The following VPS13B variants were observed in gnomAD, a reference collection of about 807,000 sequenced individuals.
VPS13B encodes intermembrane lipid transfer protein VPS13B.
VPS13B carries 285 observed loss-of-function variants against 426.4 expected under a neutral mutation model. That is an observed-to-expected ratio of 0.67 (90% confidence interval 0.61 to 0.74). The LOEUF (loss-of-function observed/expected upper bound fraction) is 0.74, where lower values mean the gene tolerates loss of function less well. Ranked by LOEUF, VPS13B falls within the 30% of genes least tolerant of loss-of-function variation. The pLI, the probability that VPS13B is intolerant of heterozygous loss-of-function variation, is 0.00. For missense variants in VPS13B, 4,537 were observed against 4,782.6 expected (o/e 0.95, Z 1.51); for synonymous variants, 1,676 against 1,676.4 (o/e 1.00, Z 0.01).
Position 99,507,327 on chromosome 8 carries a change from T to C in VPS13B, c.4224+124T>C, listed in dbSNP as rs1821555922. 4.6e-5 allele frequency: 46 copies of C among 1,004,166 alleles called. No homozygotes were observed. In the South Asian group the frequency reaches 6.6e-4, roughly 14 times the overall value. 62.2% of individuals were successfully genotyped at this position (1,004,166 alleles called of 1,614,324 possible). A position where few individuals can be genotyped will look rare whatever the true frequency, so the allele number is the denominator to read the frequency against. On this transcript the variant is annotated intron_variant, in intron 28 of 61. Transcript: ENST00000357162. ...TCAGAATAAATTCTTATTAGCCTGT[T>C]TCTTCAAAATTACATATAAATTTAA...
chr8:99,312,782 C>T (rs1352878203), intron 19 of VPS13B, among the ~76,000 whole-genome samples: 2 of 152,158 alleles, frequency 1.3e-5, no homozygotes, highest in African/African-American at 4.8e-5. Flanking sequence ...TGGTTCCATT[C>T]TCCCCGTCAC....
chr8:99,775,823 G>A (rs1486343051), intron 40 of VPS13B, among the ~76,000 whole-genome samples: 1 of 152,124 alleles, frequency 6.6e-6, no homozygotes, highest in Non-Finnish European at 1.5e-5. Flanking sequence ...ACTTGAACCT[G>A]GGAGGCAGAG....
intron 25 of VPS13B, among the ~76,000 whole-genome samples, chr8:99,485,424 C>T (rs538175229): frequency 4.6e-5 from 7 of 152,122 alleles, no homozygotes; most frequent in Non-Finnish European, 7.4e-5. Flanking sequence ...AGCTTGCTAA[C>T]GAGTGCGCTG....
chr8:99,488,151 G>C (rs1820406501), intron 25 of VPS13B, among the ~76,000 whole-genome samples: 1 of 152,100 alleles, frequency 6.6e-6, no homozygotes, highest in South Asian at 2.1e-4. Context: ...CTGATTTTCT[G>C]ATTTAGAAGA....
intron 19 of VPS13B, among the ~76,000 whole-genome samples, chr8:99,276,419 C>A (rs1818898328): frequency 1.3e-5 from 2 of 152,010 alleles, no homozygotes; most frequent in African/African-American, 4.8e-5. Context: ...GTAGGGTTGT[C>A]CCTATAGAGA....
At chr8:99,786,411 T>C (rs777654806) in intron 43 of VPS13B, among the ~76,000 whole-genome samples, 7 of 152,168 alleles carry the variant, frequency 4.6e-5, no homozygotes, top group Non-Finnish European at 7.4e-5. Flanking sequence ...ACAGTGTCAC[T>C]TCAATGTTGT....
intron 3 of VPS13B, among the ~76,000 whole-genome samples, chr8:99,062,699 C>T (rs1844255991): frequency 6.6e-6 from 1 of 151,996 alleles, no homozygotes. Context: ...AACTTTCGAC[C>T]TCAGATGATC....
rs773094891 is a variant in VPS13B, at chr8:99,875,510, T to C, written c.11838T>C (p.Cys3946=). The stretch of plus-strand genomic sequence containing the variant: ...CATCTTGTCACCTGGCCCCCAGCTG[T>C]TCTTCCATGCAAATACCATGCCCTG... The part of the protein sequence containing the change: ...TKTSCHLAPS[C]SSMQIPCPVV... Residue 3946 remains cysteine (C), a synonymous_variant, in exon 62 of 62, where the codon TGT becomes TGC. Coordinates refer to ENST00000357162, the MANE Select transcript of VPS13B (RefSeq NM_152564.5). 1 of 1,614,044 alleles carries C rather than the reference T, an allele frequency of 6.2e-7. No individual in the cohort carries two copies. The highest frequency in any genetic ancestry group is 8.5e-7 in the Non-Finnish European group (1 of 1,180,006).
At chr8:99,871,817 G>A in intron 61 of VPS13B, 120 bp downstream of exon 61, 1 of 1,553,178 alleles carries the variant, frequency 6.4e-7, no homozygotes, top group Non-Finnish European at 8.8e-7. Context: ...TGGAGACCAA[G>A]GAGAGCTGCT....
intron 12 of VPS13B, among the ~76,000 whole-genome samples, chr8:99,140,712 T>C (rs1810372416): frequency 7.0e-6 from 1 of 142,434 alleles, no homozygotes; most frequent in Non-Finnish European, 1.5e-5. Flanking sequence ...TCCTTCTCCT[T>C]CTTTGTGAGT....
In VPS13B at chr8:99,632,489, G is replaced by A. The variant is rs552144191; in HGVS notation, c.5221-9322G>A. Among the ~76,000 whole-genome samples the A allele has an allele frequency of 1.3e-4, 20 of 152,016 alleles. No individual in the cohort carries two copies. In the South Asian group the frequency reaches 3.9e-3, roughly 30 times the overall value. On this transcript the variant is annotated intron_variant, in intron 33 of 61. Coordinates refer to ENST00000357162, the MANE Select transcript of VPS13B (RefSeq NM_152564.5). ...CATATTAAAATTTACTGGTGCTATGGGGCTAGCTGACCAGAGATATTGTTA... is the reference window on the plus strand; with the variant it reads ...CATATTAAAATTTACTGGTGCTATGAGGCTAGCTGACCAGAGATATTGTTA...
At chr8:99,359,695 T>C (rs1812386946) in intron 19 of VPS13B, among the ~76,000 whole-genome samples, 1 of 152,254 alleles carries the variant, frequency 6.6e-6, no homozygotes, top group Admixed American at 6.5e-5. Flanking sequence ...CTTAATTCAA[T>C]ACGTGGATTA....
chr8:99,556,511 C>T lies in VPS13B; in HGVS notation c.4807C>T (p.Gln1603Ter), dbSNP rs2133764725. The T allele has an allele frequency of 6.2e-7, 1 of 1,613,006 alleles. No individual in the cohort carries two copies. The highest frequency in any genetic ancestry group is 8.5e-7 in the Non-Finnish European group (1 of 1,179,512). Residue 1603 changes from glutamine (Q) to a stop codon, truncating the protein, a stop_gained, in exon 31 of 62, where the codon CAA becomes TAA. Coordinates refer to ENST00000357162, the MANE Select transcript of VPS13B (RefSeq NM_152564.5). LOFTEE classifies it high-confidence loss of function. ...ATCAGAAATCGAAGACAGACAATAC[C>T]AAATAGATCTGCAGTCCATCAATAT... The part of the protein sequence containing the change: ...PGSEIEDRQY[Q>*]IDLQSINIGT...
In VPS13B at chr8:99,286,657, T is replaced by C. The variant is rs1819459947; in HGVS notation, c.2824+11403T>C. Among the ~76,000 whole-genome samples the C allele has an allele frequency of 2.0e-5, 3 of 152,122 alleles. No homozygotes were observed. In the South Asian group the frequency reaches 6.2e-4, roughly 31 times the overall value. The stretch of plus-strand genomic sequence containing the variant: ...AGGCAATGAAAGGTGCAGAGTAACA[T>C]AGAGTCAGAATCAGATAACCTGCAA... On this transcript the variant is annotated intron_variant, in intron 19 of 61. Transcript: ENST00000357162.
intron 54 of VPS13B, among the ~76,000 whole-genome samples, chr8:99,838,308 A>T (rs1815502052): frequency 6.6e-6 from 1 of 152,220 alleles, no homozygotes; most frequent in South Asian, 2.1e-4. Flanking sequence ...CAATAAATAA[A>T]GTCATAAAAG....
At chr8:99,128,088 G>C (rs986997233) in intron 8 of VPS13B, among the ~76,000 whole-genome samples, 2 of 151,932 alleles carry the variant, frequency 1.3e-5, no homozygotes, top group Non-Finnish European at 2.9e-5. Flanking sequence ...TCATTAAGTG[G>C]TAATTTTAAA....
chr8:99,861,993 A>G, intron 58 of VPS13B, 47 bp downstream of exon 58: 19 of 1,536,748 alleles, frequency 1.2e-5, no homozygotes, highest in Non-Finnish European at 1.6e-5. Flanking sequence ...CAGCAGGCTG[A>G]GATGCAGGGT....
chr8:99,565,246 C>G (rs1467909890), intron 31 of VPS13B, among the ~76,000 whole-genome samples: 1 of 151,986 alleles, frequency 6.6e-6, no homozygotes, highest in African/African-American at 2.4e-5. Context: ...CTATCTCTGA[C>G]TTGATTTTGT....
rs752165436 is a variant in VPS13B, at chr8:99,111,053, C to T, written c.581-45C>T. 5.9e-6 allele frequency: 9 copies of T among 1,514,278 alleles called. No homozygotes were observed. The African/African-American group carries it at 9.7e-5, about 16-fold the overall frequency. The allele number at this position is 1,514,278 out of a possible 1,614,324, so 93.8% of individuals were successfully genotyped here. A position where few individuals can be genotyped will look rare whatever the true frequency, so the allele number is the denominator to read the frequency against. On this transcript the variant is annotated intron_variant, in intron 5 of 61. Coordinates refer to ENST00000357162, the MANE Select transcript of VPS13B (RefSeq NM_152564.5). ...CTAATAAATAATAGTTGCCTTTCCC[C>T]TGCTAATTTTCCTTTTTACTTAAAA...
Sources: gnomAD v4.1 joint callset for allele counts (sites outside exome capture counted in the v4.1 genomes callset) on GRCh38, gnomAD v4.1.1 for gene constraint, MANE v1.5 for transcripts, NCBI Gene and HGNC (gene_info 2026-07-23, HGNC 2026-07-21) for gene names.